RANBP2: variants seen among roughly 807,000 people sequenced by gnomAD.
RANBP2 encodes E3 SUMO-protein ligase RanBP2.
In RANBP2, 57 loss-of-function variants were observed where a neutral mutation model predicts 303.6. The ratio of observed to expected loss-of-function variants is 0.19; its 90% CI spans 0.15 to 0.23. The LOEUF is 0.23. Ranked by LOEUF, RANBP2 falls within the 10% of genes least tolerant of loss-of-function variation. RANBP2 has a pLI of 1.00. For missense variants in RANBP2, 3,138 were observed against 3,780.8 expected (o/e 0.83, Z 4.46); for synonymous variants, 1,167 against 1,301.5 (o/e 0.90, Z 2.23).
the RANBP2 span, among the ~76,000 whole-genome samples, chr2:109,248,028 A>G: frequency 1.3e-5 from 2 of 152,190 alleles, no homozygotes; most frequent in Admixed American, 6.5e-5. Flanking sequence ...CCAAATCTAG[A>G]GGCAACCTTG....
At chr2:109,748,824 G>C in the RANBP2 span, among the ~76,000 whole-genome samples, 1 of 147,702 alleles carries the variant, frequency 6.8e-6, no homozygotes, top group South Asian at 2.2e-4. Context: ...AGTGAGCCAA[G>C]ATTGTGCCAC....
At chr2:109,073,906 C>G in the RANBP2 span, among the ~76,000 whole-genome samples, 8 of 150,248 alleles carry the variant, frequency 5.3e-5, no homozygotes, top group African/African-American at 1.9e-4. Flanking sequence ...CCCTGGTAAC[C>G]ACAAAGAAAC....
At chr2:109,632,552 G>A in the RANBP2 span, among the ~76,000 whole-genome samples, 1 of 152,152 alleles carries the variant, frequency 6.6e-6, no homozygotes, top group Non-Finnish European at 1.5e-5. Context: ...AGTGGCTCAC[G>A]CCTATAATCC....
At chr2:109,059,058 A>G in the RANBP2 span, among the ~76,000 whole-genome samples, 1 of 152,060 alleles carries the variant, frequency 6.6e-6, no homozygotes, top group East Asian at 1.9e-4. Flanking sequence ...CAGCTGGGAT[A>G]GGCTGACCTG....
intron 9 of RANBP2, among the ~76,000 whole-genome samples, chr2:108,750,437 A>G (rs1675783483): frequency 6.6e-6 from 1 of 152,216 alleles, no homozygotes; most frequent in African/African-American, 2.4e-5. Flanking sequence ...ATTGCAAGTT[A>G]TTTCCATAGA....
At chr2:108,787,455 T>G (rs897306856), downstream of RANBP2, among the ~76,000 whole-genome samples, 46 of 152,354 alleles carry the variant, frequency 3.0e-4, no homozygotes, top group African/African-American at 1.0e-3. Flanking sequence ...TAGAAATAAC[T>G]TGTGCATTTT....
the RANBP2 span, chr2:109,613,764 G>T: frequency 8.3e-7 from 1 of 1,197,610 alleles, no homozygotes; most frequent in Non-Finnish European, 1.0e-6. Flanking sequence ...GCCGGGGAGC[G>T]CGGGGCTGGG....
At chr2:109,281,066 G>A in the RANBP2 span, among the ~76,000 whole-genome samples, 1 of 152,200 alleles carries the variant, frequency 6.6e-6, no homozygotes, top group African/African-American at 2.4e-5. Context: ...TGCCATGACA[G>A]GGCCAGAGAG....
the RANBP2 span, among the ~76,000 whole-genome samples, chr2:109,464,428 TAC>T: frequency 5.3e-5 from 8 of 152,222 alleles, no homozygotes; most frequent in Admixed American, 2.6e-4. Context: ...TGACTACATG[TAC>T]ACACATTCGC....
At chr2:108,816,623 C>T in the RANBP2 span, among the ~76,000 whole-genome samples, 10 of 152,078 alleles carry the variant, frequency 6.6e-5, no homozygotes, top group Non-Finnish European at 1.3e-4. Context: ...CATGATAATC[C>T]ATTAATCCAT....
At chr2:108,834,124 T>C in the RANBP2 span, among the ~76,000 whole-genome samples, 1 of 151,686 alleles carries the variant, frequency 6.6e-6, no homozygotes, top group Non-Finnish European at 1.5e-5. Flanking sequence ...TTAATTGGGG[T>C]TCCAAGTGTT....
chr2:109,395,473 G>C, the RANBP2 span, among the ~76,000 whole-genome samples: 1 of 152,266 alleles, frequency 6.6e-6, no homozygotes, highest in African/African-American at 2.4e-5. Context: ...TGAAGCTTTG[G>C]ATGAGGCATT....
chr2:109,354,579 A>T, the RANBP2 span, among the ~76,000 whole-genome samples: 97 of 152,346 alleles, frequency 6.4e-4, no homozygotes, highest in Non-Finnish European at 9.7e-4. Flanking sequence ...GTTTTCAGTG[A>T]TCGTGGCATT....
chr2:109,514,786 C>A, the RANBP2 span, among the ~76,000 whole-genome samples: 1 of 152,172 alleles, frequency 6.6e-6, no homozygotes, highest in African/African-American at 2.4e-5. Context: ...CAGCTTGACT[C>A]CCTTGGGGGT....
downstream of RANBP2, among the ~76,000 whole-genome samples, chr2:108,787,803 A>C (rs1310661190): frequency 2.6e-5 from 4 of 151,720 alleles, no homozygotes; most frequent in African/African-American, 9.7e-5. Flanking sequence ...TTGATTATGC[A>C]TTTTTGGCAG....
At chr2:109,308,208 G>A in the RANBP2 span, among the ~76,000 whole-genome samples, 1 of 130,994 alleles carries the variant, frequency 7.6e-6, no homozygotes, top group Non-Finnish European at 1.6e-5. Context: ...TTTTTTGGCT[G>A]CATAAATGTC....
At chr2:108,935,202 C>T in the RANBP2 span, among the ~76,000 whole-genome samples, 1 of 152,194 alleles carries the variant, frequency 6.6e-6, no homozygotes, top group African/African-American at 2.4e-5. Flanking sequence ...TTTGGCCCTT[C>T]CTTCCTCAAT....
chr2:109,574,006 A>T, the RANBP2 span, among the ~76,000 whole-genome samples: 1 of 152,246 alleles, frequency 6.6e-6, no homozygotes, highest in Admixed American at 6.5e-5. Flanking sequence ...AAAAATGCAG[A>T]GAATACCCAT....
chr2:109,275,427 T>G, the RANBP2 span, among the ~76,000 whole-genome samples: 4 of 152,268 alleles, frequency 2.6e-5, no homozygotes, highest in Admixed American at 2.6e-4. Flanking sequence ...CTCCATTCAG[T>G]TGGACCGACA....
Sources: gnomAD v4.1 joint callset for allele counts (sites outside exome capture counted in the v4.1 genomes callset) on GRCh38, gnomAD v4.1.1 for gene constraint, MANE v1.5 for transcripts, NCBI Gene and HGNC (gene_info 2026-07-23, HGNC 2026-07-21) for gene names.